THRB: variants seen among roughly 807,000 people sequenced by gnomAD.
THRB encodes nuclear receptor subfamily 1 group A member 2.
Under a neutral mutation model 47.8 loss-of-function variants are expected in THRB, and 12 were observed. The observed-to-expected ratio is 0.25, with a 90% CI of 0.16 to 0.41. The LOEUF (loss-of-function observed/expected upper bound fraction) is 0.41, where lower values mean the gene tolerates loss of function less well. Among genes scored for constraint, THRB ranks in the 10% least tolerant of loss-of-function variants. The pLI is 1.00. For synonymous variants in THRB, 218 were observed against 212.2 expected, an observed-to-expected ratio of 1.03 and a Z score of -0.24; for missense variants, 348 against 589.2, an observed-to-expected ratio of 0.59 and a Z score of 4.24.
At position 24,203,684 on chromosome 3, in the gene THRB, A is replaced by C. The variant is rs183956718; in HGVS notation, c.23-13350T>G. On this transcript the variant is annotated intron_variant, in intron 4 of 10. Coordinates refer to ENST00000646209, the MANE Select transcript of THRB (RefSeq NM_001354712.2). ...GCAGGAGAGTGGGTGCAGCCCACTG[A>C]GTGTGAGCCGAAGCAGGGCAAGGCA... Among the ~76,000 whole-genome samples the C allele has an allele frequency of 3.5e-3, 538 of 152,278 alleles. 7 individuals carry two copies. The highest frequency in any genetic ancestry group is 0.012 in the African/African-American group (505 of 41,556).
rs144128943 is a variant in THRB at position 24,338,497 on chromosome 3, C to T, written c.-260-1126G>A. Among the ~76,000 whole-genome samples the T allele has an allele frequency of 2.9e-3, 441 of 152,304 alleles. 3 individuals are homozygous for T. The highest frequency in any genetic ancestry group is 0.01 in the African/African-American group (433 of 41,548). On this transcript the variant is annotated intron_variant, in intron 1 of 10. Coordinates refer to ENST00000646209, the MANE Select transcript of THRB (RefSeq NM_001354712.2). ...GGGCTTGAACCACGCTAATCTATAC[C>T]AGCTCATTCCCTTTAACTGCCACAT...
chr3:24,132,137 C>T (rs527939207), intron 9 of THRB, among the ~76,000 whole-genome samples: 3 of 152,252 alleles, frequency 2.0e-5, no homozygotes, highest in African/African-American at 7.2e-5. Context: ...GCCAAGGCAG[C>T]AGGAGTCATT....
At chr3:24,457,740 A>C (rs1054914143) in intron 1 of THRB, among the ~76,000 whole-genome samples, 8 of 152,308 alleles carry the variant, frequency 5.3e-5, no homozygotes, top group Middle Eastern at 3.4e-3. Context: ...TAATCCATTT[A>C]AGCAGCAGAT....
At chr3:24,138,669 G>GTGAT (rs1559429421) in intron 8 of THRB, among the ~76,000 whole-genome samples, 1 of 152,050 alleles carries the variant, frequency 6.6e-6, no homozygotes, top group Non-Finnish European at 1.5e-5. Flanking sequence ...ATAACTTGGG[G>GTGAT]TGATAGATGC....
chr3:24,365,963 A>G (rs565873507), intron 1 of THRB, among the ~76,000 whole-genome samples: 3 of 152,332 alleles, frequency 2.0e-5, no homozygotes, highest in East Asian at 3.9e-4. Context: ...AGGAAATAAG[A>G]TATTCTAATC....
chr3:24,489,604 C>T (rs1425902709), intron 1 of THRB, among the ~76,000 whole-genome samples: 1 of 152,176 alleles, frequency 6.6e-6, no homozygotes, highest in Non-Finnish European at 1.5e-5. Context: ...GGAAAAGATC[C>T]TGAAGTTCAC....
At chr3:24,357,346 CAAAAAAAA>C (rs781709724) in intron 1 of THRB, among the ~76,000 whole-genome samples, 47 of 28,722 alleles carry the variant, frequency 1.6e-3, no homozygotes, top group African/African-American at 4.1e-3. Context: ...TTGTCTCTCC[CAAAAAAAA>C]AAAAAAAAAA....
At position 24,142,098 on chromosome 3, in the gene THRB, G is replaced by A. The variant is rs556723092; in HGVS notation, c.738+1403C>T. Among the ~76,000 whole-genome samples, 5 of 152,294 alleles carry A rather than the reference G, an allele frequency of 3.3e-5. No homozygotes were observed. In the South Asian group the frequency reaches 1.0e-3, roughly 32 times the overall value. On this transcript the variant is annotated intron_variant, in intron 8 of 10. Transcript: ENST00000646209. ...TTGTGCAGGTGCCAAGATTGCATAG[G>A]GTAGTGGATAGAGACATAAATCCCG...
intron 1 of THRB, among the ~76,000 whole-genome samples, chr3:24,481,620 T>C (rs1373910421): frequency 6.6e-6 from 1 of 152,106 alleles, no homozygotes; most frequent in African/African-American, 2.4e-5. Flanking sequence ...TGACTAGACA[T>C]GTAATACTAC....
intron 2 of THRB, among the ~76,000 whole-genome samples, chr3:24,329,930 G>A (rs2061809804): frequency 6.6e-6 from 1 of 152,210 alleles, no homozygotes; most frequent in Non-Finnish European, 1.5e-5. Context: ...CTAAGACACT[G>A]TTTTAACAAA....
intron 3 of THRB, among the ~76,000 whole-genome samples, chr3:24,269,387 ACGCGCGCG>A (rs140133862): frequency 7.0e-4 from 69 of 98,364 alleles, no homozygotes; most frequent in African/African-American, 2.4e-3. Context: ...CATAGCTCAC[ACGCGCGCG>A]CGCGCGCGCA....
chr3:24,154,119 G>A (rs771519164), intron 5 of THRB, among the ~76,000 whole-genome samples: 12 of 152,240 alleles, frequency 7.9e-5, no homozygotes, highest in South Asian at 2.1e-4. Context: ...TGAAAGTGAG[G>A]TTTAGTAATG....
intron 3 of THRB, among the ~76,000 whole-genome samples, chr3:24,284,238 G>C (rs994510676): frequency 7.8e-4 from 119 of 151,636 alleles, no homozygotes; most frequent in African/African-American, 2.8e-3. Context: ...CAGAGATATA[G>C]ATCAACGGAA....
intron 4 of THRB, among the ~76,000 whole-genome samples, chr3:24,211,022 A>T (rs2045969012): frequency 6.6e-6 from 1 of 152,054 alleles, no homozygotes; most frequent in Non-Finnish European, 1.5e-5. Flanking sequence ...AATATAGTGA[A>T]ACCCTGTCTC....
At chr3:24,172,672 A>G (rs2040586015) in intron 5 of THRB, among the ~76,000 whole-genome samples, 1 of 152,160 alleles carries the variant, frequency 6.6e-6, no homozygotes, top group South Asian at 2.1e-4. Context: ...TGCAGTGGAA[A>G]AAAATTGGCT....
chr3:24,128,060 T>G (rs2033198192), intron 9 of THRB, among the ~76,000 whole-genome samples: 1 of 152,190 alleles, frequency 6.6e-6, no homozygotes, highest in African/African-American at 2.4e-5. Flanking sequence ...ACCCCTCAGT[T>G]TGGGGGTTTG....
rs190288328 is a variant in THRB at position 24,265,020 on chromosome 3, T to C, written c.-43+32206A>G. 1.4e-3 allele frequency among the ~76,000 whole-genome samples: 211 copies of C among 152,134 alleles called. 2 individuals are homozygous for C. The highest frequency in any genetic ancestry group is 4.8e-3 in the African/African-American group (199 of 41,500). Reference sequence around the variant, plus strand: ...TAAAGCAGAGTAATTAGACAGAGAATGCCTCGAGGGGAAAGTTAATGGGAA... The same window carrying C: ...TAAAGCAGAGTAATTAGACAGAGAACGCCTCGAGGGGAAAGTTAATGGGAA... On this transcript the variant is annotated intron_variant, in intron 3 of 10. Transcript: ENST00000646209.
chr3:24,335,600 G>A (rs1387958424), intron 2 of THRB, among the ~76,000 whole-genome samples: 2 of 152,028 alleles, frequency 1.3e-5, no homozygotes, highest in Admixed American at 6.6e-5. Context: ...GGTAGCCCAC[G>A]GTTCTATAAA....
intron 4 of THRB, among the ~76,000 whole-genome samples, chr3:24,226,862 T>C (rs1432440022): frequency 1.3e-5 from 2 of 152,232 alleles, no homozygotes. Flanking sequence ...TGGCTTTTCA[T>C]GCTACAATGG....
Sources: gnomAD v4.1 joint callset for allele counts (sites outside exome capture counted in the v4.1 genomes callset) on GRCh38, gnomAD v4.1.1 for gene constraint, MANE v1.5 for transcripts, NCBI Gene and HGNC (gene_info 2026-07-23, HGNC 2026-07-21) for gene names.